The following HDAC2 variants were observed in gnomAD, a reference collection of about 807,000 sequenced individuals.
The protein encoded by HDAC2 is YY1-associated factor 1.
In HDAC2, 5 loss-of-function variants were observed where a neutral mutation model predicts 68.5. The observed-to-expected ratio is 0.07, with a 90% confidence interval of 0.04 to 0.15. The LOEUF (loss-of-function observed/expected upper bound fraction) is 0.15. Ranked by LOEUF, HDAC2 falls within the 10% of genes least tolerant of loss-of-function variation. The pLI is 1.00. For missense variants in HDAC2, 291 were observed against 600.8 expected, an observed-to-expected ratio of 0.48 and a Z score of 5.39; for synonymous variants, 182 against 191.3, an observed-to-expected ratio of 0.95 and a Z score of 0.40.
At chr6:113,952,253 T>C (rs1776436934) in intron 6 of HDAC2, among the ~76,000 whole-genome samples, 1 of 152,040 alleles carries the variant, frequency 6.6e-6, no homozygotes, top group Non-Finnish European at 1.5e-5. Context: ...ATTGAAGGAG[T>C]TTACTGGCAA....
chr6:113,963,062 A>G (rs1000830810), intron 1 of HDAC2, among the ~76,000 whole-genome samples: 7 of 151,398 alleles, frequency 4.6e-5, no homozygotes, highest in South Asian at 4.2e-4. Context: ...ACAATTCTCT[A>G]GATGGCTACT....
chr6:113,956,201 T>A (rs752560857), intron 4 of HDAC2, 50 bp from the exon 5 acceptor site: 1 of 1,486,844 alleles, frequency 6.7e-7, no homozygotes, highest in South Asian at 1.3e-5. Context: ...CATAAAAAAG[T>A]AGTAGAATGA....
At chr6:113,948,877 T>G in intron 8 of HDAC2, 102 bp downstream of exon 8, 2 of 1,333,850 alleles carry the variant, frequency 1.5e-6, no homozygotes, top group Non-Finnish European at 2.1e-6. Context: ...AGTACAGTGT[T>G]AAAACAGCAG....
At chr6:113,967,172 G>A (rs987824149) in intron 1 of HDAC2, among the ~76,000 whole-genome samples, 21 of 151,880 alleles carry the variant, frequency 1.4e-4, no homozygotes, top group African/African-American at 4.4e-4. Flanking sequence ...ACGGAGTTTC[G>A]CTCTTGTTGC....
intron 1 of HDAC2, among the ~76,000 whole-genome samples, chr6:113,967,054 A>G (rs2025191): frequency 0.22 from 34,035 of 152,206 alleles, 3,993 homozygotes; most frequent in East Asian, 0.3. Context: ...ACTCATAAAT[A>G]CAAGTCTAAG....
intron 11 of HDAC2, 151 bp downstream of exon 11, chr6:113,944,129 C>T (rs1776213056): frequency 7.4e-6 from 5 of 672,668 alleles, no homozygotes; most frequent in South Asian, 3.7e-5. Context: ...GGTTCTGAGA[C>T]ATCAGGAAGC....
chr6:113,959,596 T>TAAAAA (rs771822379), intron 2 of HDAC2: 2 of 122,262 alleles, frequency 1.6e-5, no homozygotes, highest in Non-Finnish European at 3.4e-5. Context: ...ACAATTATTG[T>TAAAAA]AAAAAAAAAA....
rs1305827469 is a variant in HDAC2, at chr6:113,970,961, C to T, written c.-53G>A. On this transcript the variant is annotated 5_prime_UTR_variant, in exon 1 of 14. Coordinates refer to ENST00000519065, the MANE Select transcript of HDAC2 (RefSeq NM_001527.4). ...GCTCCTCCTCCTGCTGCTGCTGCTG[C>T]TGCTGCTGCCGCCGCGGCTCGGCCG... 1.3e-6 allele frequency: 2 copies of T among 1,563,020 alleles called. No individual in the cohort carries two copies. Among genetic ancestry groups the T allele is most frequent in the South Asian group, 1.2e-5 (1 of 85,680 alleles).
intron 1 of HDAC2, chr6:113,970,444 C>G: frequency 1.9e-6 from 2 of 1,043,150 alleles, no homozygotes; most frequent in Non-Finnish European, 2.3e-6. Flanking sequence ...GGGGACGGGT[C>G]GAGGGGGTAG....
rs1263876698 is a variant in HDAC2 at position 113,939,738 on chromosome 6, G to A, written c.*1320C>T. ...GTACACAAAGAGAGCTTCAATTTCG[G>A]TGTATTTTAAGAAAAAAACACCGAA... On this transcript the variant is annotated 3_prime_UTR_variant, in exon 14 of 14. Coordinates refer to ENST00000519065, the MANE Select transcript of HDAC2 (RefSeq NM_001527.4). The A allele has an allele frequency of 6.6e-6, 1 of 152,072 alleles. No individual in the cohort carries two copies. The highest frequency in any genetic ancestry group is 1.5e-5 in the Non-Finnish European group (1 of 68,012). 9.4% of individuals were successfully genotyped at this position (152,072 alleles called of 1,614,324 possible).
Position 113,955,886 on chromosome 6 carries a change from G to T in HDAC2, c.497+127C>A, listed in dbSNP as rs1776541992. The T allele has an allele frequency of 2.2e-5, 14 of 640,666 alleles. No homozygotes were observed. In the South Asian group the frequency reaches 3.6e-4, roughly 16 times the overall value. The allele number at this position is 640,666 out of a possible 1,614,324, so 39.7% of individuals were successfully genotyped here. ...TTCATTGTTTTGTAATGAATTCATA[G>T]AAAATTCACCATTAACTATTTCAAC... On this transcript the variant is annotated intron_variant, in intron 5 of 13. Coordinates refer to ENST00000519065, the MANE Select transcript of HDAC2 (RefSeq NM_001527.4).
chr6:113,953,530 T>C (rs1441959294), intron 5 of HDAC2, 112 bp from the exon 6 acceptor site: 3 of 636,100 alleles, frequency 4.7e-6, no homozygotes, highest in African/African-American at 1.8e-5. Context: ...GAATGTTTAA[T>C]CACCTTTTAC....
chr6:113,965,574 T>C (rs1229110441), intron 1 of HDAC2, among the ~76,000 whole-genome samples: 1 of 152,196 alleles, frequency 6.6e-6, no homozygotes, highest in Non-Finnish European at 1.5e-5. Context: ...GGTTTCGCCA[T>C]GTTGGCCAGG....
intron 6 of HDAC2, among the ~76,000 whole-genome samples, chr6:113,949,720 T>C (rs951042811): frequency 4.6e-5 from 7 of 152,158 alleles, no homozygotes; most frequent in Admixed American, 2.6e-4. Context: ...AGTTTACTTA[T>C]GATGAAAGAA....
chr6:113,952,758 T>C (rs1776450002), intron 6 of HDAC2, among the ~76,000 whole-genome samples: 1 of 152,014 alleles, frequency 6.6e-6, no homozygotes, highest in Admixed American at 6.5e-5. Context: ...AAAATAGAAA[T>C]ACACTTAATG....
chr6:113,968,920 T>C (rs1776902151), intron 1 of HDAC2, among the ~76,000 whole-genome samples: 1 of 152,164 alleles, frequency 6.6e-6, no homozygotes, highest in Non-Finnish European at 1.5e-5. Context: ...AGCAGCTTAC[T>C]TCCTCAGAGC....
chr6:113,957,781 C>T (rs1253010731), intron 3 of HDAC2, among the ~76,000 whole-genome samples: 4 of 152,162 alleles, frequency 2.6e-5, no homozygotes, highest in Non-Finnish European at 5.9e-5. Context: ...AGCCACCACA[C>T]CTGGCCAGGA....
Position 113,943,474 on chromosome 6 carries a change from C to T in HDAC2, c.1255G>A (p.Glu419Lys). ...TCATCCTCAGAATCTGAGAATTCTTCATCACAAGCTATCCGCTTGTCTGAT... is the reference window on the plus strand; with the variant it reads ...TCATCCTCAGAATCTGAGAATTCTTTATCACAAGCTATCCGCTTGTCTGAT... Reference protein sequence around the residue: ...RASDKRIACDEEFSDSEDEGE... With the variant: ...RASDKRIACDKEFSDSEDEGE... Residue 419 changes from glutamate to lysine, a missense_variant, in exon 12 of 14, where the codon GAA becomes AAA. This residue lies in a region of HDAC2 where 137 missense variants were observed against 128.7 expected (regional missense o/e 1.06). Transcript: ENST00000519065. 6.2e-7 allele frequency: 1 copy of T among 1,608,488 alleles called. No homozygotes were observed. The highest frequency in any genetic ancestry group is 8.5e-7 in the Non-Finnish European group (1 of 1,179,294).
At position 113,949,171 on chromosome 6, in the gene HDAC2, C is replaced by T. The variant is rs1251130867; in HGVS notation, c.729G>A (p.Lys243=). The T allele has an allele frequency of 1.9e-6, 3 of 1,603,722 alleles. No homozygotes were observed. Among genetic ancestry groups the T allele is most frequent in the South Asian group, 2.2e-5 (2 of 90,846 alleles). The stretch of plus-strand genomic sequence containing the variant: ...TTGTGAAAACAATAATACTTACAGG[C>T]TTAAATATCTGCCCATATGACTCAT... ...IDDESYGQIF[K]PIISKVMEMY... is the part of the protein sequence containing the mutation. The change falls in exon 7 of 14, where the codon AAG becomes AAA. Residue 243 remains lysine (K), a synonymous_variant. Transcript: ENST00000519065.
Sources: gnomAD v4.1 joint callset for allele counts (sites outside exome capture counted in the v4.1 genomes callset) on GRCh38, gnomAD v4.1.1 for gene constraint, gnomAD v4.1.1 regional missense constraint, MANE v1.5 for transcripts, NCBI Gene and HGNC (gene_info 2026-07-23, HGNC 2026-07-21) for gene names.